The following RAPGEF2 variants were observed in gnomAD, a reference collection of about 807,000 sequenced individuals.
RAPGEF2 encodes the protein Rap guanine nucleotide exchange factor 2.
Under a neutral mutation model 186.7 loss-of-function variants are expected in RAPGEF2, and 54 were observed. The ratio of observed to expected loss-of-function variants is 0.29; its 90% confidence interval spans 0.23 to 0.36. The LOEUF is 0.36. Among genes scored for constraint, RAPGEF2 ranks in the 10% least tolerant of loss-of-function variants. The pLI, the probability that RAPGEF2 is intolerant of heterozygous loss-of-function variation, is 1.00. For missense variants in RAPGEF2, 1,532 were observed against 2,045.0 expected, an observed-to-expected ratio of 0.75 and a Z score of 4.84; for synonymous variants, 712 against 705.9, an observed-to-expected ratio of 1.01 and a Z score of -0.14.
intron 1 of RAPGEF2, among the ~76,000 whole-genome samples, chr4:159,143,188 C>T (rs373471544): frequency 7.9e-5 from 12 of 152,112 alleles, no homozygotes; most frequent in African/African-American, 2.9e-4. Context: ...GATGATCGCT[C>T]CTCTGCATAG....
intron 1 of RAPGEF2, among the ~76,000 whole-genome samples, chr4:159,141,285 A>G (rs571829594): frequency 8.5e-4 from 130 of 152,336 alleles, no homozygotes; most frequent in Non-Finnish European, 1.4e-3. Context: ...ACAAATGCCC[A>G]GACTGGGCAG....
chr4:159,191,510 G>A (rs998111094), intron 2 of RAPGEF2, among the ~76,000 whole-genome samples: 3 of 152,210 alleles, frequency 2.0e-5, no homozygotes, highest in Non-Finnish European at 2.9e-5. Flanking sequence ...GGAGGCCAAG[G>A]TGGACGGATC....
intron 7 of RAPGEF2, among the ~76,000 whole-genome samples, chr4:159,273,885 C>T (rs923642386): frequency 1.4e-4 from 21 of 152,064 alleles, no homozygotes; most frequent in Non-Finnish European, 8.8e-5. Flanking sequence ...CTCCATCTCC[C>T]GGGTTCAAGC....
intron 1 of RAPGEF2, among the ~76,000 whole-genome samples, chr4:159,142,418 T>C (rs1292720888): frequency 1.3e-5 from 2 of 151,994 alleles, no homozygotes; most frequent in Admixed American, 1.3e-4. Flanking sequence ...TGGGACCAGA[T>C]GATCAAATAT....
Position 159,240,331 on chromosome 4 carries a change from C to CTTTTTTTTTTTT in RAPGEF2, c.358-862_358-851dup, listed in dbSNP as rs370477370. Among the ~76,000 whole-genome samples, 83 of 77,602 alleles carry CTTTTTTTTTTTT rather than the reference C, an allele frequency of 1.1e-3. 7 individuals are homozygous for CTTTTTTTTTTTT. The highest frequency in any genetic ancestry group is 3.7e-3 in the African/African-American group (69 of 18,626). 50.9% of individuals were successfully genotyped at this position (77,602 alleles called of 152,430 possible). A position where few individuals can be genotyped will look rare whatever the true frequency, so the allele number is the denominator to read the frequency against. ...CCCTGTTCATTCATCAGCATTTCTACTTTTTTTTTTTTTTTTTTTGGAGAC... is the reference window on the plus strand; with the variant it reads ...CCCTGTTCATTCATCAGCATTTCTACTTTTTTTTTTTTTTTTTTTTTTTTTTTTTTTGGAGAC... On this transcript the variant is annotated intron_variant, in intron 5 of 29. Coordinates refer to ENST00000691494, the MANE Select transcript of RAPGEF2 (RefSeq NM_001394067.2).
Position 159,208,976 on chromosome 4 carries a change from C to T in RAPGEF2, c.198-1524C>T, listed in dbSNP as rs956560857. Among the ~76,000 whole-genome samples the T allele has an allele frequency of 1.2e-4, 18 of 152,082 alleles. No individual in the cohort carries two copies. In the East Asian group the frequency reaches 1.5e-3, roughly 13 times the overall value. ...CACAATCTCAGCTCACTACAACCTC[C>T]GCCTCCCGGGTTCAAGCGATTCTCC... On this transcript the variant is annotated intron_variant, in intron 3 of 29. Coordinates refer to ENST00000691494, the MANE Select transcript of RAPGEF2 (RefSeq NM_001394067.2).
At chr4:159,286,452 T>C (rs1382996342) in intron 7 of RAPGEF2, among the ~76,000 whole-genome samples, 1 of 152,188 alleles carries the variant, frequency 6.6e-6, no homozygotes, top group Non-Finnish European at 1.5e-5. Flanking sequence ...ATTCTTCACA[T>C]TTATAAAATA....
intron 1 of RAPGEF2, among the ~76,000 whole-genome samples, chr4:159,133,569 G>A (rs969515680): frequency 8.1e-5 from 12 of 148,612 alleles, no homozygotes; most frequent in Admixed American, 6.0e-4. Flanking sequence ...CTGCCACCAC[G>A]CGTGGCTACT....
chr4:159,238,883 T>C lies in RAPGEF2; in HGVS notation c.356T>C (p.Val119Ala), dbSNP rs1250020388. 8 of 1,505,392 alleles carry C rather than the reference T, an allele frequency of 5.3e-6. No individual in the cohort carries two copies. The highest frequency in any genetic ancestry group is 7.0e-6 in the Non-Finnish European group (8 of 1,135,984). 93.3% of individuals were successfully genotyped at this position (1,505,392 alleles called of 1,614,324 possible). A position where few individuals can be genotyped will look rare whatever the true frequency, so the allele number is the denominator to read the frequency against. The change falls in exon 5 of 30, where the codon GTG (valine) becomes GCG (alanine). Residue 119 changes from valine (V) to alanine (A), a missense_variant and splice_region_variant. Coordinates refer to ENST00000691494, the MANE Select transcript of RAPGEF2 (RefSeq NM_001394067.2). ...GTTTTAGAGCCTTCTGAAATGATTG[T>C]GGTAAGAGTATTTCTGTGAGGACTA... ...CIVLEPSEMI[V>A]VDYMDENEEY...
At chr4:159,162,440 AATT>A (rs1326960697) in intron 1 of RAPGEF2, among the ~76,000 whole-genome samples, 1 of 151,822 alleles carries the variant, frequency 6.6e-6, no homozygotes, top group East Asian at 1.9e-4. Flanking sequence ...TGAAAAAATT[AATT>A]ATTATAATTG....
chr4:159,104,473 C>T (rs1737563922), intron 1 of RAPGEF2, among the ~76,000 whole-genome samples: 1 of 145,660 alleles, frequency 6.9e-6, no homozygotes, highest in Non-Finnish European at 1.5e-5. Flanking sequence ...TGACCTTTCC[C>T]ACTATGTTGC....
intron 11 of RAPGEF2, chr4:159,328,727 G>A (rs1216781066): frequency 6.6e-6 from 1 of 152,142 alleles, no homozygotes; most frequent in Non-Finnish European, 1.5e-5. Flanking sequence ...ACATCAGGCT[G>A]TTTACTCATC....
chr4:159,198,335 T>TTTCTTTCTTTCTTTC (rs1491282307), intron 3 of RAPGEF2, among the ~76,000 whole-genome samples: 19 of 43,610 alleles, frequency 4.4e-4, no homozygotes, highest in African/African-American at 3.1e-3. Context: ...TCTTTCTTTC[T>TTTCTTTCTTTCTTTC]TTTTCTTTCT....
At chr4:159,104,852 G>A (rs1019136969) in intron 1 of RAPGEF2, among the ~76,000 whole-genome samples, 1 of 152,194 alleles carries the variant, frequency 6.6e-6, no homozygotes, top group Non-Finnish European at 1.5e-5. Flanking sequence ...ATTTTTTAAA[G>A]GATACTGCTT....
intron 7 of RAPGEF2, among the ~76,000 whole-genome samples, chr4:159,254,265 T>C (rs1282309806): frequency 2.0e-5 from 3 of 152,182 alleles, no homozygotes; most frequent in Non-Finnish European, 2.9e-5. Context: ...TGTCTTGATA[T>C]ATCCTAAGAC....
At chr4:159,210,667 C>T (rs1317230883) in intron 4 of RAPGEF2, 84 bp downstream of exon 4, 3 of 1,025,170 alleles carry the variant, frequency 2.9e-6, no homozygotes, top group African/African-American at 1.6e-5. Context: ...CTTTTCTCTT[C>T]CTGTGTTCTC....
chr4:159,262,366 T>C (rs1411123584), intron 7 of RAPGEF2, among the ~76,000 whole-genome samples: 1 of 152,218 alleles, frequency 6.6e-6, no homozygotes, highest in Non-Finnish European at 1.5e-5. Context: ...GATAATATTC[T>C]TTTACATATG....
chr4:159,118,118 C>T lies in RAPGEF2; in HGVS notation c.69+13887C>T, dbSNP rs115842193. On this transcript the variant is annotated intron_variant, in intron 1 of 29. Transcript: ENST00000691494. The stretch of plus-strand genomic sequence containing the variant: ...AGTCCATGGCCTGTTAGGAACCAGG[C>T]CATACAGCAGGAAGTGAGTGGTAGG... Among the ~76,000 whole-genome samples the T allele has an allele frequency of 3.3e-3, 502 of 152,238 alleles. 5 individuals are homozygous for T. Among genetic ancestry groups the T allele is most frequent in the African/African-American group, 0.012 (485 of 41,522 alleles).
At chr4:159,221,315 T>C (rs1427148720) in intron 4 of RAPGEF2, among the ~76,000 whole-genome samples, 1 of 152,206 alleles carries the variant, frequency 6.6e-6, no homozygotes, top group Non-Finnish European at 1.5e-5. Context: ...TCAGGGTCAG[T>C]TCGTAGCACA....
Sources: allele counts gnomAD v4.1 joint callset (sites outside exome capture counted in the v4.1 genomes callset), GRCh38; gene constraint gnomAD v4.1.1; transcripts MANE v1.5; gene names NCBI Gene and HGNC (gene_info 2026-07-23, HGNC 2026-07-21).